Variants in GSAP observed in about 807,000 individuals in gnomAD.
GSAP encodes the protein gamma-secretase activating protein.
In GSAP, 118 loss-of-function variants were observed where a neutral mutation model predicts 131.7. The observed-to-expected ratio is 0.90, with a 90% CI of 0.77 to 1.04. GSAP has a LOEUF of 1.04. GSAP is among the 50% of genes least tolerant of loss of function. The pLI, the probability that GSAP is intolerant of heterozygous loss-of-function variation, is 0.00. For synonymous variants in GSAP, 381 were observed against 363.4 expected (o/e 1.05, Z -0.55); for missense variants, 1,019 against 1,013.2 (o/e 1.01, Z -0.08).
chr7:77,325,024 T>C (rs10953199), intron 23 of GSAP, among the ~76,000 whole-genome samples: 30,496 of 151,812 alleles, frequency 0.2, 3,268 homozygotes, highest in African/African-American at 0.23. Context: ...CCATGTTGAC[T>C]AGGCTGGTCT....
intron 1 of GSAP, among the ~76,000 whole-genome samples, chr7:77,408,544 A>G (rs1802694220): frequency 6.6e-6 from 1 of 151,972 alleles, no homozygotes; most frequent in Non-Finnish European, 1.5e-5. Flanking sequence ...ACTAAAAAAT[A>G]CAGAAAATTA....
intron 12 of GSAP, 117 bp downstream of exon 12, chr7:77,373,953 C>G (rs958666015): frequency 4.4e-6 from 3 of 681,660 alleles, no homozygotes; most frequent in Non-Finnish European, 8.0e-6. Context: ...CATATGATCA[C>G]CGACATAAAA....
At chr7:77,414,468 A>T (rs569354855) in intron 1 of GSAP, among the ~76,000 whole-genome samples, 2 of 152,240 alleles carry the variant, frequency 1.3e-5, no homozygotes, top group African/African-American at 2.4e-5. Context: ...TCTTACCAAG[A>T]TATTTGCTCT....
intron 5 of GSAP, among the ~76,000 whole-genome samples, chr7:77,390,912 G>A (rs1243363995): frequency 8.2e-6 from 1 of 122,392 alleles, no homozygotes; most frequent in Non-Finnish European, 1.6e-5. Flanking sequence ...TTGCGCCACT[G>A]CACTCCAGCC....
intron 12 of GSAP, among the ~76,000 whole-genome samples, chr7:77,371,596 A>G (rs2150978500): frequency 6.6e-6 from 1 of 152,002 alleles, no homozygotes; most frequent in Admixed American, 6.6e-5. Context: ...CACCACACCC[A>G]GCTAATTTTT....
chr7:77,371,990 TA>T (rs1273657851), intron 12 of GSAP, among the ~76,000 whole-genome samples: 1 of 151,980 alleles, frequency 6.6e-6, no homozygotes, highest in Admixed American at 6.5e-5. Context: ...TTAGCATCAC[TA>T]ACAGTAGGAT....
At chr7:77,382,476 A>G in intron 7 of GSAP, 98 bp downstream of exon 7, 4 of 682,946 alleles carry the variant, frequency 5.9e-6, no homozygotes, top group Non-Finnish European at 1.1e-5. Context: ...GACCCTTGGC[A>G]ATGGCAGGTG....
At chr7:77,314,545 C>A (rs1245451184) in intron 26 of GSAP, 56 bp from the exon 27 acceptor site, 38 of 1,602,440 alleles carry the variant, frequency 2.4e-5, no homozygotes, top group Non-Finnish European at 3.2e-5. Context: ...CAGCAGCCCC[C>A]GGGGAATGGA....
intron 16 of GSAP, among the ~76,000 whole-genome samples, chr7:77,354,288 A>G (rs905675177): frequency 8.5e-5 from 13 of 152,208 alleles, no homozygotes; most frequent in Non-Finnish European, 1.8e-4. Context: ...TATTTTCAAA[A>G]TTAGGTAATA....
At chr7:77,315,513 G>A (rs1794875115) in intron 26 of GSAP, 1 of 152,076 alleles carries the variant, frequency 6.6e-6, no homozygotes. Flanking sequence ...AAAAGTATGG[G>A]GTGGGAATTA....
In GSAP at chr7:77,367,632, G is replaced by A. The variant is rs555413578; in HGVS notation, c.872-4972C>T. Among the ~76,000 whole-genome samples, 12 of 152,252 alleles carry A rather than the reference G, an allele frequency of 7.9e-5. No homozygotes were observed. In the South Asian group the frequency reaches 1.9e-3, roughly 24 times the overall value. ...GTATTTTGATGATTTTTGCATCAGC[G>A]TTCATCAAGGATATTGGCCTGAAGT... On this transcript the variant is annotated intron_variant, in intron 12 of 30. Transcript: ENST00000257626.
At chr7:77,395,449 A>C (rs1323033050) in intron 5 of GSAP, among the ~76,000 whole-genome samples, 1 of 152,124 alleles carries the variant, frequency 6.6e-6, no homozygotes, top group Non-Finnish European at 1.5e-5. Context: ...ATCGTATTTC[A>C]CTTAAGCTAT....
intron 1 of GSAP, chr7:77,415,973 G>C (rs1804348894): frequency 2.5e-6 from 1 of 396,638 alleles, no homozygotes; most frequent in Non-Finnish European, 4.5e-6. Context: ...CGGGCCGGCA[G>C]CGAGCCAGGC....
chr7:77,363,448 G>C (rs1301075821), intron 12 of GSAP, among the ~76,000 whole-genome samples: 1 of 152,222 alleles, frequency 6.6e-6, no homozygotes, highest in Non-Finnish European at 1.5e-5. Flanking sequence ...TTGACAGGTA[G>C]AAAGTAACTT....
At chr7:77,401,564 A>C (rs1163304567) in intron 3 of GSAP, among the ~76,000 whole-genome samples, 1 of 152,170 alleles carries the variant, frequency 6.6e-6, no homozygotes, top group Non-Finnish European at 1.5e-5. Context: ...AAAATTTGTC[A>C]TCGGCATAGC....
At chr7:77,381,667 C>T (rs1423592601) in intron 7 of GSAP, among the ~76,000 whole-genome samples, 1 of 152,138 alleles carries the variant, frequency 6.6e-6, no homozygotes, top group African/African-American at 2.4e-5. Flanking sequence ...CTCCCCTATA[C>T]CATCAGCGTT....
intron 18 of GSAP, 37 bp from the exon 19 acceptor site, chr7:77,349,441 G>T: frequency 6.4e-7 from 1 of 1,557,348 alleles, no homozygotes; most frequent in Non-Finnish European, 8.8e-7. Flanking sequence ...CAGCTGCTCA[G>T]TGTATGAACT....
rs921429613 is a variant in GSAP, at chr7:77,321,540, C to A, written c.1924-137G>T. On this transcript the variant is annotated intron_variant, in intron 24 of 30. Coordinates refer to ENST00000257626, the MANE Select transcript of GSAP (RefSeq NM_017439.4). ...GCATCCAGACACACAACTAGCCTTT[C>A]TGAGGTCAATTCTGAAGCACTGAAC... The A allele has an allele frequency of 3.1e-5, 20 of 642,772 alleles. No individual in the cohort carries two copies. The African/African-American group carries it at 3.7e-4, about 12-fold the overall frequency. 39.8% of individuals were successfully genotyped at this position (642,772 alleles called of 1,614,324 possible).
chr7:77,381,427 G>T (rs184611651), intron 7 of GSAP, 73 bp from the exon 8 acceptor site: 6 of 695,646 alleles, frequency 8.6e-6, no homozygotes, highest in Non-Finnish European at 1.4e-5. Context: ...CCTAACTCTT[G>T]TAAAAACATT....
Sources: allele counts gnomAD v4.1 joint callset (sites outside exome capture counted in the v4.1 genomes callset), GRCh38; gene constraint gnomAD v4.1.1; transcripts MANE v1.5; gene names NCBI Gene and HGNC (gene_info 2026-07-23, HGNC 2026-07-21).